Variants in DNAH9 observed in about 807,000 individuals in gnomAD.
The protein encoded by DNAH9 is DNAH9 variant protein.
DNAH9 carries 345 observed loss-of-function variants against 471.6 expected under a neutral mutation model. The observed-to-expected ratio is 0.73, with a 90% CI of 0.67 to 0.80. DNAH9 has a LOEUF of 0.80. DNAH9 is among the 30% of genes least tolerant of loss of function. The pLI is 0.00. For missense variants in DNAH9, 5,407 were observed against 5,609.2 expected, an observed-to-expected ratio of 0.96 and a Z score of 1.15; for synonymous variants, 2,093 against 2,123.6, an observed-to-expected ratio of 0.99 and a Z score of 0.40.
In DNAH9 at chr17:11,930,099, G is replaced by T. The variant is rs1352644051; in HGVS notation, c.12105+6G>T. The T allele has an allele frequency of 6.2e-7, 1 of 1,610,972 alleles. No homozygotes were observed. The highest frequency in any genetic ancestry group is 8.5e-7 in the Non-Finnish European group (1 of 1,178,200). ...CCCTGGACAACTTCACTCAGGTACG[G>T]CCCCGGGAGGGAGGCAAAAACAGCA... On this transcript the variant is annotated splice_donor_region_variant and intron_variant, in intron 63 of 68. Transcript: ENST00000262442.
In DNAH9 at chr17:11,962,291, G is replaced by A; in HGVS notation, c.13233+35G>A. ...GGAATGAACCAAAGGGCAGCTTTCT[G>A]GGGGCTGATTAAATACACATTGCTT... On this transcript the variant is annotated intron_variant, in intron 68 of 68. Coordinates refer to ENST00000262442, the MANE Select transcript of DNAH9 (RefSeq NM_001372.4). The surrounding 1 kb of genome is among the most constrained non-coding windows in gnomAD (Gnocchi z 4.1). The A allele has an allele frequency of 1.3e-6, 2 of 1,542,466 alleles. No homozygotes were observed. The highest frequency in any genetic ancestry group is 1.7e-6 in the Non-Finnish European group (2 of 1,148,970).
Position 11,744,938 on chromosome 17 carries a change from G to A in DNAH9, c.6253G>A (p.Asp2085Asn). 6.2e-7 allele frequency: 1 copy of A among 1,614,210 alleles called. No homozygotes were observed. Among genetic ancestry groups the A allele is most frequent in the Non-Finnish European group, 8.5e-7 (1 of 1,180,044 alleles). ...TTTCAACATCCCCAAGATTGTGACT[G>A]ATGACATGCCCATCTTCATGGGCCT... is the stretch of plus-strand genomic sequence containing the variant. ...RDFNIPKIVT[D>N]DMPIFMGLIG... Residue 2085 changes from aspartate to asparagine, a missense_variant, in exon 31 of 69, where the codon GAT (aspartate) becomes AAT (asparagine). Coordinates refer to ENST00000262442, the MANE Select transcript of DNAH9 (RefSeq NM_001372.4).
At position 11,614,531 on chromosome 17, in the gene DNAH9, G is replaced by A. The variant is rs192439075; in HGVS notation, c.904+2751G>A. Among the ~76,000 whole-genome samples the A allele has an allele frequency of 2.7e-3, 404 of 152,308 alleles. 4 individuals carry two copies. The highest frequency in any genetic ancestry group is 4.2e-3 in the Non-Finnish European group (285 of 68,028). ...GAGTTTTCTTTATTTGCACAGGATAGGCATGGTACAACCTGGTTGCCAAGT... is the reference window on the plus strand; with the variant it reads ...GAGTTTTCTTTATTTGCACAGGATAAGCATGGTACAACCTGGTTGCCAAGT... On this transcript the variant is annotated intron_variant, in intron 4 of 68. Coordinates refer to ENST00000262442, the MANE Select transcript of DNAH9 (RefSeq NM_001372.4).
chr17:11,902,744 C>G lies in DNAH9; in HGVS notation c.11432C>G (p.Ser3811Cys). The G allele has an allele frequency of 1.9e-6, 3 of 1,611,700 alleles. No individual in the cohort carries two copies. The highest frequency in any genetic ancestry group is 2.5e-6 in the Non-Finnish European group (3 of 1,179,290). The change falls in exon 60 of 69, where the codon TCT becomes TGT. Residue 3811 changes from serine (S) to cysteine (C), a missense_variant. Physicochemically the swap from Ser to Cys is moderately radical, Grantham distance 112. Around this residue, in one of 3 missense-constraint regions of DNAH9, gnomAD observed 4,636 missense variants for 4,900.3 expected, o/e 0.95. Transcript: ENST00000262442. ...GTACTTTCATCAATGGAAGAATTCT[C>G]TAATCTGGATCGGGACATAGAGGGA... Reference protein sequence around the residue: ...VKVLSSMEEFSNLDRDIEGSA... With the variant: ...VKVLSSMEEFCNLDRDIEGSA...
chr17:11,861,027 CTT>C (rs56930700), intron 50 of DNAH9, among the ~76,000 whole-genome samples: 14 of 143,966 alleles, frequency 9.7e-5, no homozygotes, highest in African/African-American at 3.3e-4. Flanking sequence ...AGCTGTCATT[CTT>C]TTTTTTTTTT....
intron 22 of DNAH9, among the ~76,000 whole-genome samples, chr17:11,695,805 CTA>C (rs2074465988): frequency 6.6e-6 from 1 of 152,168 alleles, no homozygotes; most frequent in South Asian, 2.1e-4. Context: ...GGTCTAGGGA[CTA>C]CACTATGAGA....
intron 52 of DNAH9, chr17:11,873,396 T>G (rs1972355937): frequency 6.6e-6 from 1 of 152,190 alleles, no homozygotes; most frequent in Non-Finnish European, 1.5e-5. Flanking sequence ...AAAAATATAT[T>G]GGAACACAAT....
At chr17:11,879,186 G>T (rs1368830937) in intron 53 of DNAH9, among the ~76,000 whole-genome samples, 1 of 152,060 alleles carries the variant, frequency 6.6e-6, no homozygotes, top group African/African-American at 2.4e-5. Flanking sequence ...AAAGAAAAAT[G>T]AGAGGGCGGG....
At chr17:11,888,118 G>C (rs1972937043) in intron 57 of DNAH9, among the ~76,000 whole-genome samples, 1 of 151,838 alleles carries the variant, frequency 6.6e-6, no homozygotes, top group South Asian at 2.1e-4. Flanking sequence ...GAGTAGCTGG[G>C]ACTACAGGTG....
Position 11,783,699 on chromosome 17 carries a change from C to T in DNAH9, c.7772C>T (p.Ser2591Phe). ...GAGATCACAAATGTACAGTATGTTTCCTGTATGAACCCCACGGCAGGCAGC... is the reference window on the plus strand; with the variant it reads ...GAGATCACAAATGTACAGTATGTTTTCTGTATGAACCCCACGGCAGGCAGC... The part of the protein sequence containing the change: ...LKEITNVQYV[S>F]CMNPTAGSFT... The change falls in exon 40 of 69, where the codon TCC becomes TTC. Residue 2591 changes from serine (S) to phenylalanine (F), a missense_variant. Ser to Phe is a radical substitution (Grantham distance 155). Transcript: ENST00000262442. 6.2e-7 allele frequency: 1 copy of T among 1,614,082 alleles called. No homozygotes were observed. The highest frequency in any genetic ancestry group is 2.2e-5 in the East Asian group (1 of 44,860).
intron 22 of DNAH9, 125 bp from the exon 23 acceptor site, chr17:11,699,606 C>T: frequency 1.2e-6 from 1 of 802,940 alleles, no homozygotes; most frequent in Non-Finnish European, 2.0e-6. Context: ...AAACTTCCTT[C>T]TAAATGCTTG....
At chr17:11,611,881 G>C (rs772787203) in intron 4 of DNAH9, 101 bp downstream of exon 4, 1 of 1,195,224 alleles carries the variant, frequency 8.4e-7, no homozygotes, top group Non-Finnish European at 1.2e-6. Flanking sequence ...TCAAGTCCTT[G>C]TAAATTTCCG....
chr17:11,937,410 C>T lies in DNAH9; in HGVS notation c.12548C>T (p.Ala4183Val), dbSNP rs1567562788. The change falls in exon 66 of 69, where the codon GCA becomes GTA. Residue 4183 changes from alanine (A) to valine (V), a missense_variant. Coordinates refer to ENST00000262442, the MANE Select transcript of DNAH9 (RefSeq NM_001372.4). The surrounding 1 kb of genome is among the most constrained non-coding windows in gnomAD (Gnocchi z 4.1). ...TACCTCTATGGCCTCCACCCGAACG[C>T]AGAGATTGGCTTCCTGACCCAAACC... ...SPYLYGLHPNAEIGFLTQTSE... is the reference protein window; with the variant it reads ...SPYLYGLHPNVEIGFLTQTSE... 6.2e-7 allele frequency: 1 copy of T among 1,614,120 alleles called. No individual in the cohort carries two copies. Among genetic ancestry groups the T allele is most frequent in the African/African-American group, 1.3e-5 (1 of 75,038 alleles).
chr17:11,961,733 A>T, intron 67 of DNAH9, 134 bp from the exon 68 acceptor site: 1 of 1,106,366 alleles, frequency 9.0e-7, no homozygotes, highest in Non-Finnish European at 1.3e-6. Context: ...CTGGAGTTTT[A>T]TGTTCAAATG....
chr17:11,830,542 T>C (rs1450938003), intron 48 of DNAH9, among the ~76,000 whole-genome samples: 1 of 152,108 alleles, frequency 6.6e-6, no homozygotes, highest in Non-Finnish European at 1.5e-5. Flanking sequence ...ACTGAAAAAT[T>C]CTAACTCAAA....
chr17:11,879,726 T>TA (rs778526077), intron 53 of DNAH9, among the ~76,000 whole-genome samples: 1,840 of 150,610 alleles, frequency 0.012, 38 homozygotes, highest in African/African-American at 0.041. Context: ...ATATTTTCTG[T>TA]AAAAAAAAAC....
Position 11,784,548 on chromosome 17 carries a change from A to T in DNAH9, c.8061+9A>T. ...TTGCCAACATTTTCCAGGTGAGTTC[A>T]TCGGCTCCGAGACACCCTAGGGGCT... On this transcript the variant is annotated intron_variant, in intron 41 of 68. Transcript: ENST00000262442. 1 of 1,614,172 alleles carries T rather than the reference A, an allele frequency of 6.2e-7. No homozygotes were observed. Among genetic ancestry groups the T allele is most frequent in the Non-Finnish European group, 8.5e-7 (1 of 1,180,022 alleles).
chr17:11,729,300 C>T (rs1267308772), intron 28 of DNAH9, among the ~76,000 whole-genome samples: 1 of 152,094 alleles, frequency 6.6e-6, no homozygotes. Context: ...TGAGCACCCC[C>T]CTTCTCCTGC....
intron 60 of DNAH9, among the ~76,000 whole-genome samples, chr17:11,904,085 G>C (rs1327055320): frequency 6.6e-6 from 1 of 152,166 alleles, no homozygotes; most frequent in Non-Finnish European, 1.5e-5. Context: ...TAACATTTAA[G>C]AAGTTTCCAA....
Sources: allele counts gnomAD v4.1 joint callset (sites outside exome capture counted in the v4.1 genomes callset), GRCh38; gene constraint gnomAD v4.1.1; regional missense constraint gnomAD v4.1.1; non-coding constraint Gnocchi (gnomAD v3.1); transcripts MANE v1.5; gene names NCBI Gene and HGNC (gene_info 2026-07-23, HGNC 2026-07-21).